The following CES5A variants were observed in gnomAD, a reference collection of about 807,000 sequenced individuals.
The protein encoded by CES5A is carboxylesterase 5A.
In CES5A, 67 loss-of-function variants were observed where a neutral mutation model predicts 62.9. The ratio of observed to expected loss-of-function variants is 1.07; its 90% CI spans 0.88 to 1.31. The LOEUF (loss-of-function observed/expected upper bound fraction) is 1.31. Ranked by LOEUF, CES5A falls within the 50% of genes most tolerant of loss-of-function variation. The pLI is 0.00. For missense variants in CES5A, 748 were observed against 708.5 expected, an observed-to-expected ratio of 1.06 and a Z score of -0.63; for synonymous variants, 296 against 280.8, an observed-to-expected ratio of 1.05 and a Z score of -0.54.
chr16:55,893,838 T>C lies in CES5A; in HGVS notation c.-255-19801A>G, dbSNP rs369660318. Among the ~76,000 whole-genome samples, 69 of 152,248 alleles carry C rather than the reference T, an allele frequency of 4.5e-4. No homozygotes were observed. In the South Asian group the frequency reaches 9.9e-3, roughly 22 times the overall value. ...GAGGAGGTATTGGCTGAAAAACTGA[T>C]AAAAGACATCAAACTGCATATCTGA... On this transcript the variant is annotated intron_variant, in intron 1 of 12. Transcript: ENST00000518005.
At chr16:55,893,793 A>G (rs2033904146) in intron 1 of CES5A, among the ~76,000 whole-genome samples, 1 of 152,202 alleles carries the variant, frequency 6.6e-6, no homozygotes, top group East Asian at 1.9e-4. Flanking sequence ...AAGAAAGAGA[A>G]CAATGTTGCA....
intron 1 of CES5A, among the ~76,000 whole-genome samples, chr16:55,898,437 TG>T (rs1313015636): frequency 6.6e-6 from 1 of 152,184 alleles, no homozygotes; most frequent in Admixed American, 6.5e-5. Flanking sequence ...AAGCTAGTTC[TG>T]CTTATTTTCA....
In CES5A at chr16:55,846,629, T is replaced by A. The variant is rs1336175974; in HGVS notation, c.1550A>T (p.Gln517Leu). 3 of 1,614,164 alleles carry A rather than the reference T, an allele frequency of 1.9e-6. No individual in the cohort carries two copies. The highest frequency in any genetic ancestry group is 2.5e-6 in the Non-Finnish European group (3 of 1,180,024). ...SLWPAYNLTE[Q>L]YLQLDLNMSL... Reference sequence around the variant, plus strand: ...CATGTTCAAGTCCAGCTGGAGGTACTGCTCAGTCAGATTATAAGCTGGCCA... The same window carrying A: ...CATGTTCAAGTCCAGCTGGAGGTACAGCTCAGTCAGATTATAAGCTGGCCA... The change falls in exon 13 of 13, where the codon CAG becomes CTG. Residue 517 changes from glutamine (Q) to leucine (L), a missense_variant. Gln to Leu is a moderately radical substitution (Grantham distance 113, BLOSUM62 -2). Transcript: ENST00000290567.
At chr16:55,871,306 A>C (rs577819906) in intron 3 of CES5A, among the ~76,000 whole-genome samples, 1 of 152,212 alleles carries the variant, frequency 6.6e-6, no homozygotes, top group Non-Finnish European at 1.5e-5. Context: ...GAAAAAAGAT[A>C]CCTCAAATTT....
intron 2 of CES5A, among the ~76,000 whole-genome samples, chr16:55,931,532 A>C (rs1483964919): frequency 6.6e-6 from 1 of 152,126 alleles, no homozygotes; most frequent in Admixed American, 6.5e-5. Context: ...TTGCTATTGC[A>C]ACTCATATCC....
intron 11 of CES5A, 34 bp from the exon 12 acceptor site, chr16:55,846,874 G>C: frequency 6.3e-7 from 1 of 1,594,618 alleles, no homozygotes; most frequent in Non-Finnish European, 8.6e-7. Context: ...CTGCTGCTCT[G>C]GGTGAGGCTC....
intron 1 of CES5A, among the ~76,000 whole-genome samples, chr16:55,921,399 A>T (rs2034203081): frequency 6.6e-6 from 1 of 152,100 alleles, no homozygotes; most frequent in Non-Finnish European, 1.5e-5. Context: ...AAGGAGCCTC[A>T]ATTTGTCTAG....
Position 55,866,658 on chromosome 16 carries a change from T to TAAAAAAAAAAAAAAA in CES5A, c.552-557_552-543dup, listed in dbSNP as rs369679801. On this transcript the variant is annotated intron_variant, in intron 4 of 12. Transcript: ENST00000290567. ...TAATATAGTGAAACTCTGTCTCTGCTAAAAAAAAAAAAAAAAAAAATACAA... is the reference window on the plus strand; with the variant it reads ...TAATATAGTGAAACTCTGTCTCTGCTAAAAAAAAAAAAAAAAAAAAAAAAAAAAAAAAAAATACAA... Among the ~76,000 whole-genome samples, 195 of 82,804 alleles carry TAAAAAAAAAAAAAAA rather than the reference T, an allele frequency of 2.4e-3. 10 individuals carry two copies. Among genetic ancestry groups the TAAAAAAAAAAAAAAA allele is most frequent in the Non-Finnish European group, 3.7e-3 (149 of 39,744 alleles). The allele number at this position is 82,804 out of a possible 152,430, so 54.3% of individuals were successfully genotyped here.
intron 1 of CES5A, among the ~76,000 whole-genome samples, chr16:55,874,836 C>T (rs534006015): frequency 3.3e-5 from 5 of 152,270 alleles, no homozygotes; most frequent in African/African-American, 7.2e-5. Flanking sequence ...GTCCTGTCGC[C>T]GCAGCCAGGA....
chr16:55,916,114 G>A (rs531070514), intron 1 of CES5A, among the ~76,000 whole-genome samples: 48 of 152,122 alleles, frequency 3.2e-4, no homozygotes, highest in Non-Finnish European at 3.2e-4. Flanking sequence ...CTTCTGGGTG[G>A]GGGCCACAGG....
intron 4 of CES5A, among the ~76,000 whole-genome samples, chr16:55,868,205 A>G (rs1429449279): frequency 6.6e-6 from 1 of 152,236 alleles, no homozygotes; most frequent in Non-Finnish European, 1.5e-5. Context: ...CTCTTCTACC[A>G]AAGGAATCTT....
intron 2 of CES5A, among the ~76,000 whole-genome samples, chr16:55,936,317 G>T (rs2034374493): frequency 6.6e-6 from 1 of 152,180 alleles, no homozygotes; most frequent in Admixed American, 6.5e-5. Flanking sequence ...TTGCAGCTCT[G>T]CAATCCCACG....
In CES5A at chr16:55,856,396, T is replaced by C; in HGVS notation, c.1106A>G (p.His369Arg). ...ACTCACCAGGATGTTTTGTATCAGA[T>C]GGAGGGCAAGGGACTTGTTGGAGCC... is the stretch of plus-strand genomic sequence containing the variant. The part of the protein sequence containing the change: ...LSGSNKSLAL[H>R]LIQNILHIPP... Residue 369 changes from histidine (H) to arginine (R), a missense_variant, in exon 9 of 13, where the codon CAT becomes CGT. By Grantham distance (29) the His-to-Arg change is conservative. Transcript: ENST00000290567. The C allele has an allele frequency of 3.1e-6, 5 of 1,614,132 alleles. No homozygotes were observed. The highest frequency in any genetic ancestry group is 4.2e-6 in the Non-Finnish European group (5 of 1,179,988).
intron 1 of CES5A, among the ~76,000 whole-genome samples, chr16:55,887,659 G>T (rs531122026): frequency 6.6e-6 from 1 of 152,164 alleles, no homozygotes; most frequent in Non-Finnish European, 1.5e-5. Flanking sequence ...TGAAGACTAT[G>T]TGACAGTGTA....
chr16:55,927,659 A>G (rs781279482), upstream of CES5A, among the ~76,000 whole-genome samples: 2 of 152,210 alleles, frequency 1.3e-5, no homozygotes, highest in East Asian at 3.8e-4. Context: ...ATGCTTATAC[A>G]TTGTTGGTGG....
intron 1 of CES5A, among the ~76,000 whole-genome samples, chr16:55,894,974 T>C (rs76187683): frequency 0.013 from 1,975 of 152,260 alleles, 48 homozygotes; most frequent in African/African-American, 0.045. Flanking sequence ...GCTTTGAAAG[T>C]TCTCACATAT....
At chr16:55,916,730 T>C (rs755517454) in intron 1 of CES5A, among the ~76,000 whole-genome samples, 1 of 152,162 alleles carries the variant, frequency 6.6e-6, no homozygotes, top group East Asian at 1.9e-4. Flanking sequence ...ACAGCTTTAG[T>C]GGAAATGAAA....
At chr16:55,869,581 C>A (rs1185248537) in intron 4 of CES5A, 30 bp downstream of exon 4, 6 of 1,609,630 alleles carry the variant, frequency 3.7e-6, no homozygotes, top group Non-Finnish European at 5.1e-6. Context: ...CTTTGGGGAT[C>A]TGGGATGTCC....
At chr16:55,953,457 A>G (rs749568629) in intron 1 of CES5A, among the ~76,000 whole-genome samples, 2 of 152,216 alleles carry the variant, frequency 1.3e-5, no homozygotes, top group Non-Finnish European at 2.9e-5. Context: ...AAACAAGTTG[A>G]CTAGATATAA....
Sources: allele counts gnomAD v4.1 joint callset (sites outside exome capture counted in the v4.1 genomes callset), GRCh38; gene constraint gnomAD v4.1.1; transcripts MANE v1.5; gene names NCBI Gene and HGNC (gene_info 2026-07-23, HGNC 2026-07-21).